The following CNOT2 variants were observed in gnomAD, a reference collection of about 807,000 sequenced individuals.
CNOT2 encodes the protein CCR4-NOT transcription complex subunit 2, also known as CC chemokine receptor 4-negative regulator of transcription 2.
In CNOT2, 7 loss-of-function variants were observed where a neutral mutation model predicts 72.1. That is an observed-to-expected ratio of 0.10 (90% CI 0.06 to 0.18). The LOEUF (loss-of-function observed/expected upper bound fraction) is 0.18. CNOT2 is among the 10% of genes least tolerant of loss of function. The pLI is 1.00. For synonymous variants in CNOT2, 196 were observed against 225.6 expected (o/e 0.87, Z 1.17); for missense variants, 345 against 660.3 (o/e 0.52, Z 5.23).
intron 1 of CNOT2, among the ~76,000 whole-genome samples, chr12:70,264,416 C>G (rs1054648001): frequency 6.6e-6 from 1 of 152,202 alleles, no homozygotes; most frequent in East Asian, 1.9e-4. Context: ...GTTCTCTGCT[C>G]TTAGGTCTGC....
intron 1 of CNOT2, among the ~76,000 whole-genome samples, chr12:70,262,379 T>C (rs2135741769): frequency 6.6e-6 from 1 of 152,230 alleles, no homozygotes; most frequent in South Asian, 2.1e-4. Flanking sequence ...GTTCACGCCA[T>C]TCTCCTGCCT....
At chr12:70,271,692 T>A (rs1011240315) in intron 1 of CNOT2, among the ~76,000 whole-genome samples, 1 of 152,088 alleles carries the variant, frequency 6.6e-6, no homozygotes, top group Non-Finnish European at 1.5e-5. Context: ...TCTTGAACCA[T>A]GTGGGAAAGT....
At chr12:70,284,592 T>C (rs1049252817) in intron 2 of CNOT2, among the ~76,000 whole-genome samples, 179 of 151,776 alleles carry the variant, frequency 1.2e-3, no homozygotes, top group Non-Finnish European at 2.0e-3. Context: ...TTTTTTTTTT[T>C]TTTGGCATTC....
intron 1 of CNOT2, among the ~76,000 whole-genome samples, chr12:70,244,544 A>G (rs1173759793): frequency 1.3e-5 from 2 of 152,188 alleles, no homozygotes; most frequent in African/African-American, 4.8e-5. Context: ...TTACTACCAC[A>G]AAAGTCTTAC....
At chr12:70,266,226 C>T (rs895932941) in intron 1 of CNOT2, among the ~76,000 whole-genome samples, 3 of 151,994 alleles carry the variant, frequency 2.0e-5, no homozygotes, top group South Asian at 2.1e-4. Flanking sequence ...GTAGTTCAAG[C>T]GGTTCTCCTG....
intron 4 of CNOT2, chr12:70,322,521 C>T (rs2135995881): frequency 6.6e-6 from 1 of 151,824 alleles, no homozygotes; most frequent in South Asian, 2.1e-4. Flanking sequence ...TTTCTGTGTG[C>T]ATATTATCTT....
chr12:70,282,753 T>C lies in CNOT2; in HGVS notation c.48+4479T>C, dbSNP rs1870086109. 3.3e-5 allele frequency among the ~76,000 whole-genome samples: 5 copies of C among 152,244 alleles called. No individual in the cohort carries two copies. The South Asian group carries it at 1.0e-3, about 31-fold the overall frequency. Reference sequence around the variant, plus strand: ...TTTTGTGTTTCATTCTTTATATTTTTATAACTTATTACATATATGTTTTTC... The same window carrying C: ...TTTTGTGTTTCATTCTTTATATTTTCATAACTTATTACATATATGTTTTTC... On this transcript the variant is annotated intron_variant, in intron 2 of 15. Transcript: ENST00000229195.
At chr12:70,312,794 G>A (rs1340322189) in intron 3 of CNOT2, among the ~76,000 whole-genome samples, 1 of 151,740 alleles carries the variant, frequency 6.6e-6, no homozygotes, top group Non-Finnish European at 1.5e-5. Context: ...TAATATATTG[G>A]CTACCTTATA....
At chr12:70,259,461 C>T (rs1958636123) in intron 1 of CNOT2, among the ~76,000 whole-genome samples, 2 of 152,242 alleles carry the variant, frequency 1.3e-5, no homozygotes, top group African/African-American at 2.4e-5. Context: ...TTAACCATCA[C>T]CATCATTCAG....
chr12:70,286,299 T>G (rs1183216861), intron 2 of CNOT2, among the ~76,000 whole-genome samples: 2 of 149,492 alleles, frequency 1.3e-5, no homozygotes, highest in African/African-American at 4.9e-5. Context: ...TGACATTTGA[T>G]AATTTCAGAA....
intron 2 of CNOT2, among the ~76,000 whole-genome samples, chr12:70,281,879 T>TAAATAAATTAAAAC (rs1869926505): frequency 9.1e-6 from 1 of 110,054 alleles, no homozygotes; most frequent in Non-Finnish European, 2.2e-5. Flanking sequence ...AATTTTAAAG[T>TAAATAAATTAAAAC]TCATTGGTCA....
chr12:70,279,316 T>G (rs1593106717), intron 2 of CNOT2, among the ~76,000 whole-genome samples: 3 of 152,232 alleles, frequency 2.0e-5, no homozygotes, highest in African/African-American at 7.2e-5. Flanking sequence ...AGGCTTTGAT[T>G]ATAAGATCTG....
At chr12:70,332,564 G>A (rs962406095) in intron 6 of CNOT2, 7 of 747,626 alleles carry the variant, frequency 9.4e-6, no homozygotes, top group Admixed American at 4.5e-5. Flanking sequence ...TGCCTAAAAT[G>A]TTCTGGTTCT....
chr12:70,341,845 A>T, intron 11 of CNOT2: 1 of 377,406 alleles, frequency 2.6e-6, no homozygotes, highest in Non-Finnish European at 4.7e-6. Flanking sequence ...GAAAATTTTT[A>T]ATCATGTTTT....
At chr12:70,304,649 C>T (rs1035677490) in intron 2 of CNOT2, among the ~76,000 whole-genome samples, 5 of 152,336 alleles carry the variant, frequency 3.3e-5, no homozygotes, top group East Asian at 1.9e-4. Flanking sequence ...GCAGTCTGCC[C>T]GTTCTCACAT....
Position 70,330,500 on chromosome 12 carries a change from G to A in CNOT2, c.569+31G>A, listed in dbSNP as rs138455233. ...ATGTTTATTGATACTGTGTATAATT[G>A]TCTTTCTGGGTATACTCAGATTTGC... is the stretch of plus-strand genomic sequence containing the variant. On this transcript the variant is annotated intron_variant, in intron 6 of 15. Transcript: ENST00000229195. 4.2e-4 allele frequency: 630 copies of A among 1,503,570 alleles called. 3 individuals carry two copies. The African/African-American group carries it at 7.8e-3, about 19-fold the overall frequency. The allele number at this position is 1,503,570 out of a possible 1,614,324, so 93.1% of individuals were successfully genotyped here.
chr12:70,288,136 CTTTTTT>C (rs68143994), intron 2 of CNOT2, among the ~76,000 whole-genome samples: 9,093 of 86,928 alleles, frequency 0.1, 342 homozygotes, highest in Admixed American at 0.21. Flanking sequence ...TGGTGTAGCT[CTTTTTT>C]TTTTTTTTTT....
chr12:70,271,765 T>C (rs1959264792), intron 1 of CNOT2, among the ~76,000 whole-genome samples: 3 of 151,952 alleles, frequency 2.0e-5, no homozygotes, highest in Admixed American at 2.0e-4. Context: ...CAACCAGGAG[T>C]GTTTGCTATG....
intron 1 of CNOT2, among the ~76,000 whole-genome samples, chr12:70,268,079 T>TA: frequency 6.6e-6 from 1 of 152,354 alleles, no homozygotes; most frequent in Non-Finnish European, 1.5e-5. Flanking sequence ...CATTCATTCA[T>TA]AAAACTCTAA....
Sources: allele counts gnomAD v4.1 joint callset (sites outside exome capture counted in the v4.1 genomes callset), GRCh38; gene constraint gnomAD v4.1.1; transcripts MANE v1.5; gene names NCBI Gene and HGNC (gene_info 2026-07-23, HGNC 2026-07-21).